SV2C: variants seen among roughly 807,000 people sequenced by gnomAD.
SV2C encodes the protein synaptic vesicle glycoprotein 2C, also known as solute carrier family 22 member B3.
Under a neutral mutation model 79.7 loss-of-function variants are expected in SV2C, and 49 were observed. The ratio of observed to expected loss-of-function variants is 0.61; its 90% CI spans 0.49 to 0.78. SV2C has a LOEUF of 0.78. Ranked by LOEUF, SV2C falls within the 30% of genes least tolerant of loss-of-function variation. SV2C has a pLI of 0.00. For synonymous variants in SV2C, 334 were observed against 333.2 expected (o/e 1.00, Z -0.03); for missense variants, 833 against 912.9 (o/e 0.91, Z 1.13).
chr5:76,009,452 C>G, the SV2C span, among the ~76,000 whole-genome samples: 4 of 152,236 alleles, frequency 2.6e-5, no homozygotes, highest in African/African-American at 4.8e-5. Flanking sequence ...CAAAAAGACA[C>G]ACACACTTGC....
chr5:75,949,558 G>A, the SV2C span, among the ~76,000 whole-genome samples: 99,204 of 151,804 alleles, frequency 0.65, 33,930 homozygotes, highest in African/African-American at 0.8. Flanking sequence ...GTGGGAGATA[G>A]CTGGATCATA....
At chr5:76,245,463 A>G (rs1244988652) in intron 4 of SV2C, among the ~76,000 whole-genome samples, 1 of 152,208 alleles carries the variant, frequency 6.6e-6, no homozygotes, top group Non-Finnish European at 1.5e-5. Flanking sequence ...ACACGATCAG[A>G]CTTAATAAGC....
chr5:76,132,068 C>T lies in SV2C; in HGVS notation c.318C>T (p.Ile106=). ...IPSMNQAKDS[I]VSVGQPKGDE... ...GTATGAACCAAGCGAAGGACAGCATCGTGTCAGTGGGGCAGCCCAAGGGCG... is the reference window on the plus strand; with the variant it reads ...GTATGAACCAAGCGAAGGACAGCATTGTGTCAGTGGGGCAGCCCAAGGGCG... The change falls in exon 2 of 13, where the codon ATC becomes ATT. Residue 106 remains isoleucine (I), a synonymous_variant. Coordinates refer to ENST00000502798, the MANE Select transcript of SV2C (RefSeq NM_014979.4). The T allele has an allele frequency of 1.2e-6, 2 of 1,611,910 alleles. No homozygotes were observed. The highest frequency in any genetic ancestry group is 1.1e-5 in the South Asian group (1 of 90,772).
chr5:76,020,494 G>A, the SV2C span, among the ~76,000 whole-genome samples: 1 of 152,118 alleles, frequency 6.6e-6, no homozygotes, highest in South Asian at 2.1e-4. Flanking sequence ...ATGATCATTC[G>A]AAGCCACATA....
Position 76,331,562 on chromosome 5 carries a change from T to G in SV2C, c.*6015T>G, listed in dbSNP as rs908668383. 2 of 152,218 alleles carry G rather than the reference T, an allele frequency of 1.3e-5. No homozygotes were observed. Among genetic ancestry groups the G allele is most frequent in the Non-Finnish European group, 2.9e-5 (2 of 68,092 alleles). The allele number at this position is 152,218 out of a possible 1,614,324, so 9.4% of individuals were successfully genotyped here. On this transcript the variant is annotated 3_prime_UTR_variant, in exon 13 of 13. Transcript: ENST00000502798. ...GGGGGGCAGAGCAGAAAGAGGGTAG[T>G]TGTCAGTGACCCTCTACCCTCCTCT...
At chr5:76,303,640 TA>T (rs922778032) in intron 12 of SV2C, among the ~76,000 whole-genome samples, 18 of 148,102 alleles carry the variant, frequency 1.2e-4, no homozygotes, top group South Asian at 4.3e-4. Context: ...AAATCTGGCT[TA>T]AAAAAAAAAG....
chr5:76,314,634 C>G (rs1462502585), intron 12 of SV2C, among the ~76,000 whole-genome samples: 4 of 152,120 alleles, frequency 2.6e-5, no homozygotes, highest in African/African-American at 9.7e-5. Flanking sequence ...ATTCTCATCC[C>G]AATCCTGTAA....
the SV2C span, among the ~76,000 whole-genome samples, chr5:76,074,462 A>G: frequency 6.6e-6 from 1 of 152,216 alleles, no homozygotes; most frequent in Non-Finnish European, 1.5e-5. Context: ...AGGAACAAAC[A>G]ACATAGAGAG....
chr5:75,995,519 A>G, the SV2C span, among the ~76,000 whole-genome samples: 2 of 152,186 alleles, frequency 1.3e-5, no homozygotes, highest in African/African-American at 4.8e-5. Flanking sequence ...AACATCATTA[A>G]TACAATAGTC....
At chr5:75,984,186 G>C in the SV2C span, among the ~76,000 whole-genome samples, 5 of 152,278 alleles carry the variant, frequency 3.3e-5, no homozygotes, top group African/African-American at 9.6e-5. Flanking sequence ...CAATGCAGTA[G>C]ATATACTGTT....
At chr5:76,325,290 AG>A in intron 12 of SV2C, 73 bp from the exon 13 acceptor site, 1 of 1,456,958 alleles carries the variant, frequency 6.9e-7, no homozygotes, top group Non-Finnish European at 9.5e-7. Context: ...TTGAAAATCT[AG>A]GATCTTTTGG....
At chr5:76,351,398 T>A (rs188014533) in intron 12 of SV2C, among the ~76,000 whole-genome samples, 1 of 150,298 alleles carries the variant, frequency 6.7e-6, no homozygotes, top group Admixed American at 6.6e-5. Flanking sequence ...CAGTGAGCCA[T>A]GATCGCACCA....
chr5:76,175,533 A>G (rs1743498884), intron 2 of SV2C, among the ~76,000 whole-genome samples: 1 of 152,206 alleles, frequency 6.6e-6, no homozygotes, highest in Non-Finnish European at 1.5e-5. Context: ...GATCTAACAC[A>G]GAAGAGTAAC....
intron 2 of SV2C, among the ~76,000 whole-genome samples, chr5:76,167,700 T>A (rs1016678884): frequency 8.5e-5 from 13 of 152,220 alleles, no homozygotes; most frequent in African/African-American, 3.1e-4. Context: ...CAAGGTCATA[T>A]GGCCAATAAG....
chr5:75,900,027 C>T, the SV2C span, among the ~76,000 whole-genome samples: 414 of 152,212 alleles, frequency 2.7e-3, no homozygotes, highest in African/African-American at 9.6e-3. Context: ...TCCAATTTGC[C>T]AGTCTGTCTT....
chr5:75,912,128 A>G, the SV2C span, among the ~76,000 whole-genome samples: 6 of 152,338 alleles, frequency 3.9e-5, no homozygotes, highest in African/African-American at 1.4e-4. Flanking sequence ...TTAGAATAAG[A>G]CTTTATACAT....
the SV2C span, among the ~76,000 whole-genome samples, chr5:75,866,436 T>C: frequency 6.6e-6 from 1 of 152,222 alleles, no homozygotes; most frequent in Non-Finnish European, 1.5e-5. Context: ...AACCTATGGC[T>C]GGAGCACAAC....
At chr5:75,909,534 T>A in the SV2C span, among the ~76,000 whole-genome samples, 1 of 152,204 alleles carries the variant, frequency 6.6e-6, no homozygotes, top group African/African-American at 2.4e-5. Flanking sequence ...GGGAGACAAG[T>A]GGGCTCAAGG....
intron 2 of SV2C, chr5:76,174,056 T>C (rs1743432430): frequency 6.3e-7 from 1 of 1,576,906 alleles, no homozygotes; most frequent in African/African-American, 1.3e-5. Flanking sequence ...TACTTCAACT[T>C]GCTCTCTATA....
Sources: allele counts gnomAD v4.1 joint callset (sites outside exome capture counted in the v4.1 genomes callset), GRCh38; gene constraint gnomAD v4.1.1; transcripts MANE v1.5; gene names NCBI Gene and HGNC (gene_info 2026-07-23, HGNC 2026-07-21).